Variants in TRIM37 observed in about 807,000 individuals in gnomAD.
The protein encoded by TRIM37 is E3 ubiquitin-protein ligase TRIM37.
A neutral mutation model predicts 129.8 loss-of-function variants in TRIM37; 80 were observed. That is an observed-to-expected ratio of 0.62 (90% CI 0.51 to 0.74). The LOEUF (loss-of-function observed/expected upper bound fraction) is 0.74, where lower values mean the gene tolerates loss of function less well. TRIM37 is among the 30% of genes least tolerant of loss of function. TRIM37 has a pLI of 0.00. For synonymous variants in TRIM37, 389 were observed against 387.1 expected (o/e 1.00, Z -0.06); for missense variants, 1,054 against 1,176.5 (o/e 0.90, Z 1.52).
At chr17:59,102,967 G>T (rs1037467343) in intron 2 of TRIM37, among the ~76,000 whole-genome samples, 6 of 152,020 alleles carry the variant, frequency 3.9e-5, no homozygotes, top group African/African-American at 1.4e-4. Context: ...CTGCCTCCCG[G>T]GTTCAAGTGA....
At chr17:59,021,512 T>C (rs1181505850) in intron 19 of TRIM37, among the ~76,000 whole-genome samples, 1 of 152,154 alleles carries the variant, frequency 6.6e-6, no homozygotes, top group Non-Finnish European at 1.5e-5. Context: ...TTATGTTAAG[T>C]GAAATACATC....
At chr17:59,018,490 AATTTC>A (rs1210570037) in intron 19 of TRIM37, among the ~76,000 whole-genome samples, 1 of 152,240 alleles carries the variant, frequency 6.6e-6, no homozygotes, top group Non-Finnish European at 1.5e-5. Context: ...TTAAGAAAAC[AATTTC>A]ATTTTTAATA....
chr17:58,971,964 T>C, the TRIM37 span, among the ~76,000 whole-genome samples: 4 of 152,260 alleles, frequency 2.6e-5, no homozygotes, highest in Non-Finnish European at 5.9e-5. Flanking sequence ...CATAAATACA[T>C]ACATGCATAT....
intron 8 of TRIM37, 55 bp from the exon 9 acceptor site, chr17:59,071,002 C>T: frequency 1.9e-6 from 3 of 1,597,000 alleles, no homozygotes; most frequent in Non-Finnish European, 2.6e-6. Context: ...ACTGCCACCT[C>T]AAAATTCTTA....
chr17:59,056,622 C>G (rs181573293), intron 13 of TRIM37, among the ~76,000 whole-genome samples: 97 of 138,284 alleles, frequency 7.0e-4, no homozygotes, highest in Non-Finnish European at 1.2e-3. Flanking sequence ...CCCAGCTACT[C>G]GGGAGGCTGA....
chr17:59,101,846 G>A (rs1224291836), intron 2 of TRIM37, among the ~76,000 whole-genome samples: 1 of 150,504 alleles, frequency 6.6e-6, no homozygotes, highest in Non-Finnish European at 1.5e-5. Context: ...GGCTGAGGCA[G>A]GAAAATCTCT....
Position 59,079,751 on chromosome 17 carries a change from T to C in TRIM37, c.616+3A>G, listed in dbSNP as rs112718678. On this transcript the variant is annotated splice_donor_region_variant and intron_variant, in intron 7 of 23. Coordinates refer to ENST00000262294, the MANE Select transcript of TRIM37 (RefSeq NM_015294.6). ...TACCCCAGCAGCATACATAAACACT[T>C]ACCCATCAGTGTTATAAGCTTATTC... 1 of 1,613,850 alleles carries C rather than the reference T, an allele frequency of 6.2e-7. No individual in the cohort carries two copies. The highest frequency in any genetic ancestry group is 8.5e-7 in the Non-Finnish European group (1 of 1,179,794).
chr17:59,076,072 T>G (rs1415087073), intron 7 of TRIM37, among the ~76,000 whole-genome samples: 1 of 152,230 alleles, frequency 6.6e-6, no homozygotes, highest in East Asian at 1.9e-4. Context: ...TCAGCTATTC[T>G]GAAATCATTT....
At chr17:59,090,425 G>C (rs2044187336) in intron 3 of TRIM37, among the ~76,000 whole-genome samples, 1 of 152,084 alleles carries the variant, frequency 6.6e-6, no homozygotes, top group Non-Finnish European at 1.5e-5. Flanking sequence ...AATCATACTG[G>C]ATTAGGGCAT....
chr17:59,052,266 A>G (rs982075232), intron 13 of TRIM37, among the ~76,000 whole-genome samples: 6 of 152,084 alleles, frequency 3.9e-5, no homozygotes, highest in Admixed American at 3.9e-4. Flanking sequence ...CCTTTGTTAC[A>G]TAGCCTAACG....
chr17:59,097,313 A>G (rs1268191833), intron 2 of TRIM37, among the ~76,000 whole-genome samples: 1 of 152,192 alleles, frequency 6.6e-6, no homozygotes, highest in East Asian at 1.9e-4. Context: ...AGATAAAGAA[A>G]TAAAAAGTAT....
chr17:59,042,441 A>ATATATATATATATATATAT (rs1555661491), intron 16 of TRIM37, among the ~76,000 whole-genome samples: 7 of 84,428 alleles, frequency 8.3e-5, no homozygotes, highest in Admixed American at 1.3e-4. Flanking sequence ...TAAAAAAAAA[A>ATATATATATATATATATAT]AAAAAAAAAT....
intron 2 of TRIM37, among the ~76,000 whole-genome samples, chr17:59,095,427 GC>G (rs1162063676): frequency 6.6e-6 from 1 of 152,218 alleles, no homozygotes. Context: ...TGTGGAGGGA[GC>G]TAAAGCCAAG....
chr17:58,970,081 T>C, the TRIM37 span, among the ~76,000 whole-genome samples: 1 of 152,204 alleles, frequency 6.6e-6, no homozygotes, highest in Non-Finnish European at 1.5e-5. Context: ...GATCTGGATA[T>C]GGTGAATAAA....
chr17:59,104,947 C>G (rs186235687), intron 1 of TRIM37, among the ~76,000 whole-genome samples: 16 of 151,932 alleles, frequency 1.1e-4, no homozygotes, highest in African/African-American at 2.9e-4. Flanking sequence ...CAAAAATTAG[C>G]CAGGCGTGGT....
intron 16 of TRIM37, among the ~76,000 whole-genome samples, chr17:59,042,444 A>AT (rs1568065884): frequency 7.4e-4 from 32 of 43,086 alleles, no homozygotes; most frequent in Admixed American, 1.0e-3. Flanking sequence ...AAAAAAAAAA[A>AT]AAAAAATATA....
chr17:59,073,405 T>C (rs896437686), intron 8 of TRIM37, among the ~76,000 whole-genome samples: 4 of 152,136 alleles, frequency 2.6e-5, no homozygotes, highest in African/African-American at 9.7e-5. Flanking sequence ...GCAATTTTCA[T>C]GCCTTAGCCT....
chr17:59,092,987 C>A (rs1337538187), intron 2 of TRIM37, among the ~76,000 whole-genome samples: 2 of 151,954 alleles, frequency 1.3e-5, no homozygotes, highest in Non-Finnish European at 2.9e-5. Flanking sequence ...CCCGTCTCTA[C>A]TAAAAATACA....
intron 9 of TRIM37, among the ~76,000 whole-genome samples, chr17:59,070,305 C>A (rs1053995962): frequency 6.6e-6 from 1 of 152,144 alleles, no homozygotes; most frequent in African/African-American, 2.4e-5. Context: ...GATAACATGG[C>A]GTCACCTTCA....
Sources: allele counts gnomAD v4.1 joint callset (sites outside exome capture counted in the v4.1 genomes callset), GRCh38; gene constraint gnomAD v4.1.1; transcripts MANE v1.5; gene names NCBI Gene and HGNC (gene_info 2026-07-23, HGNC 2026-07-21).